The following TRPM1 variants were observed in gnomAD, a reference collection of about 807,000 sequenced individuals.
TRPM1 encodes the protein transient receptor potential cation channel subfamily M member 1, also known as TRPM1-203 APA Isoform, Intron 10.
Under a neutral mutation model 149.4 loss-of-function variants are expected in TRPM1, and 113 were observed. The observed-to-expected ratio is 0.76, with a 90% CI of 0.65 to 0.88. The LOEUF (loss-of-function observed/expected upper bound fraction) is 0.88, where lower values mean the gene tolerates loss of function less well. TRPM1 is among the 40% of genes least tolerant of loss of function. The pLI is 0.00. For missense variants in TRPM1, 1,976 were observed against 2,038.7 expected (o/e 0.97, Z 0.59); for synonymous variants, 741 against 759.5 (o/e 0.98, Z 0.40).
chr15:31,132,605 C>T (rs2036031713), intron 1 of TRPM1, among the ~76,000 whole-genome samples: 2 of 152,216 alleles, frequency 1.3e-5, no homozygotes, highest in African/African-American at 2.4e-5. Context: ...TCTGGACTCT[C>T]CTTCTGGGTG....
intron 1 of TRPM1, among the ~76,000 whole-genome samples, chr15:31,145,204 G>A (rs1055270615): frequency 9.2e-5 from 14 of 152,118 alleles, no homozygotes; most frequent in African/African-American, 3.4e-4. Context: ...CTTGATGTGT[G>A]AGCCACACAG....
chr15:31,111,016 C>A (rs1384570579), intron 1 of TRPM1, among the ~76,000 whole-genome samples: 1 of 151,526 alleles, frequency 6.6e-6, no homozygotes, highest in Non-Finnish European at 1.5e-5. Flanking sequence ...ACCTGCCAAG[C>A]ATTTAATGGT....
rs865835055 is a variant in TRPM1, at chr15:31,067,783, T to A, written c.493+96A>T. 13 of 1,190,918 alleles carry A rather than the reference T, an allele frequency of 1.1e-5. No homozygotes were observed. In the African/African-American group the frequency reaches 1.5e-4, roughly 14 times the overall value. The allele number at this position is 1,190,918 out of a possible 1,614,324, so 73.8% of individuals were successfully genotyped here. On this transcript the variant is annotated intron_variant, in intron 5 of 27. Transcript: ENST00000256552. ...TCATAAATAGGATCAGGATGCAATA[T>A]GTTTTGTTGTCCTTAGTTATTAGGA...
intron 3 of TRPM1, among the ~76,000 whole-genome samples, chr15:31,072,018 T>TATATATATAGAGAGAGAG (rs1400392427): frequency 5.4e-5 from 2 of 36,906 alleles, no homozygotes; most frequent in Non-Finnish European, 4.7e-5. Context: ...TATATATATA[T>TATATATATAGAGAGAGAG]AGAGAGAGAG....
chr15:31,111,119 T>A (rs944716041), intron 1 of TRPM1, among the ~76,000 whole-genome samples: 2 of 152,184 alleles, frequency 1.3e-5, no homozygotes, highest in African/African-American at 4.8e-5. Context: ...GTGTTACAGC[T>A]TTGTAGCTGT....
At chr15:31,079,817 A>T (rs1042862113) in intron 2 of TRPM1, among the ~76,000 whole-genome samples, 1 of 152,216 alleles carries the variant, frequency 6.6e-6, no homozygotes. Flanking sequence ...TCATGCTCCA[A>T]TACTGGTTTC....
At chr15:31,026,869 T>G (rs1336550645) in intron 26 of TRPM1, 46 bp downstream of exon 26, 6 of 1,593,598 alleles carry the variant, frequency 3.8e-6, no homozygotes, top group Non-Finnish European at 5.2e-6. Flanking sequence ...ATTTGAACAC[T>G]ATTTTGAAAT....
chr15:31,009,929 T>C (rs548350618), intron 27 of TRPM1, among the ~76,000 whole-genome samples: 1 of 152,356 alleles, frequency 6.6e-6, no homozygotes, highest in African/African-American at 2.4e-5. Flanking sequence ...AGTTTTCTAT[T>C]AGTTTCCAGA....
At chr15:31,130,157 G>A (rs968799751) in intron 1 of TRPM1, among the ~76,000 whole-genome samples, 4 of 152,188 alleles carry the variant, frequency 2.6e-5, no homozygotes, top group Admixed American at 6.5e-5. Flanking sequence ...GGTTAATGCC[G>A]GGTGCATTGG....
At chr15:31,145,330 A>G (rs781135360) in intron 1 of TRPM1, among the ~76,000 whole-genome samples, 1 of 152,196 alleles carries the variant, frequency 6.6e-6, no homozygotes, top group African/African-American at 2.4e-5. Context: ...AGAAGACTCC[A>G]TGTCATAATG....
At chr15:31,017,470 A>G (rs965844551) in intron 27 of TRPM1, among the ~76,000 whole-genome samples, 3 of 152,178 alleles carry the variant, frequency 2.0e-5, no homozygotes, top group African/African-American at 2.4e-5. Context: ...GCCCATCCAC[A>G]TTGGCATTCG....
At chr15:31,088,375 T>G (rs544485202) in intron 1 of TRPM1, among the ~76,000 whole-genome samples, 24 of 152,328 alleles carry the variant, frequency 1.6e-4, no homozygotes, top group African/African-American at 5.1e-4. Context: ...CTTTCTCCCT[T>G]GGCAATAAAT....
chr15:31,034,795 G>A (rs2033270309), intron 21 of TRPM1, among the ~76,000 whole-genome samples: 4 of 152,192 alleles, frequency 2.6e-5, no homozygotes, highest in Admixed American at 6.5e-5. Flanking sequence ...CCCAGTTGCG[G>A]TAATTGGTTT....
upstream of TRPM1, among the ~76,000 whole-genome samples, chr15:31,105,885 G>C (rs925436059): frequency 2.0e-5 from 3 of 152,210 alleles, no homozygotes; most frequent in African/African-American, 7.2e-5. Flanking sequence ...TGTCTAGTGA[G>C]CTGTCTGAGC....
chr15:31,113,788 G>C (rs1202490429), intron 1 of TRPM1, among the ~76,000 whole-genome samples: 5 of 152,270 alleles, frequency 3.3e-5, no homozygotes, highest in Non-Finnish European at 5.9e-5. Flanking sequence ...CTTAAAGGTG[G>C]CAAGGACCCA....
chr15:31,094,059 A>C (rs762101627), intron 1 of TRPM1, among the ~76,000 whole-genome samples: 4 of 152,244 alleles, frequency 2.6e-5, no homozygotes, highest in Non-Finnish European at 5.9e-5. Context: ...AAGTCCATAT[A>C]TCTATGTCCA....
At chr15:31,140,699 G>A (rs920866947) in intron 1 of TRPM1, among the ~76,000 whole-genome samples, 4 of 152,210 alleles carry the variant, frequency 2.6e-5, no homozygotes, top group Non-Finnish European at 5.9e-5. Flanking sequence ...CTGGCATTAT[G>A]CTTTTCATAC....
At chr15:31,113,443 T>TC (rs2035737120) in intron 1 of TRPM1, among the ~76,000 whole-genome samples, 1 of 144,176 alleles carries the variant, frequency 6.9e-6, no homozygotes, top group Non-Finnish European at 1.5e-5. Context: ...TTTTTTTTTT[T>TC]TCAAAATCTC....
chr15:31,087,310 T>C (rs2035030708), intron 1 of TRPM1, among the ~76,000 whole-genome samples: 1 of 130,584 alleles, frequency 7.7e-6, no homozygotes. Context: ...AGTGGTGCAA[T>C]CTTGGCTCAC....
Sources: allele counts gnomAD v4.1 joint callset (sites outside exome capture counted in the v4.1 genomes callset), GRCh38; gene constraint gnomAD v4.1.1; transcripts MANE v1.5; gene names NCBI Gene and HGNC (gene_info 2026-07-23, HGNC 2026-07-21).